Variants in FHIP1B observed in about 807,000 individuals in gnomAD.
The protein encoded by FHIP1B is FHF complex subunit HOOK-interacting protein 1B.
A neutral mutation model predicts 82.2 loss-of-function variants in FHIP1B; 28 were observed. That is an observed-to-expected ratio of 0.34 (90% CI 0.25 to 0.47). The LOEUF is 0.47. FHIP1B is among the 20% of genes least tolerant of loss of function. The probability of loss-of-function intolerance (pLI) is 1.00; values close to 1 mark genes in which losing one functional copy is unlikely to be tolerated. For missense variants in FHIP1B, 1,110 were observed against 1,262.6 expected (o/e 0.88, Z 1.83); for synonymous variants, 585 against 516.1 (o/e 1.13, Z -1.81).
At chr11:6,224,284 A>G in intron 2 of FHIP1B, 36 bp from the exon 3 acceptor site, 2 of 1,613,604 alleles carry the variant, frequency 1.2e-6, no homozygotes, top group Non-Finnish European at 1.7e-6. Flanking sequence ...AGGAATCTAA[A>G]TTGATAAGGT....
At chr11:6,225,625 A>G (rs994975437) in intron 1 of FHIP1B, among the ~76,000 whole-genome samples, 2 of 152,226 alleles carry the variant, frequency 1.3e-5, no homozygotes. Flanking sequence ...TTAATGCTGA[A>G]GCAAATAAGT....
Position 6,219,042 on chromosome 11 carries a change from C to G in FHIP1B, c.1200G>C (p.Met400Ile). ...ARIGSNSRLC[M>I]VSLSLFRTLL... is the part of the protein sequence containing the mutation. The stretch of plus-strand genomic sequence containing the variant: ...GGGTCCTGAAGAGACTCAGAGAGAC[C>G]ATGCAGAGCTGGGGGGGTGGAGGGG... The change falls in exon 7 of 12, where the codon ATG (methionine) becomes ATC (isoleucine). Residue 400 changes from methionine (M) to isoleucine (I), a missense_variant. Physicochemically the swap from Met to Ile is conservative, Grantham distance 10. This residue lies in a region of FHIP1B where 467 missense variants were observed against 602.9 expected (regional missense o/e 0.77). Transcript: ENST00000449352. 1 of 1,610,346 alleles carries G rather than the reference C, an allele frequency of 6.2e-7. No homozygotes were observed. Among genetic ancestry groups the G allele is most frequent in the Non-Finnish European group, 8.5e-7 (1 of 1,177,092 alleles).
Position 6,222,929 on chromosome 11 carries a change from T to G in FHIP1B, c.937-32A>C, listed in dbSNP as rs1230841883. Reference sequence around the variant, plus strand: ...GAGTGCCAGAGAGAAGGGGGAGGGTTATGAGGAGACCACTGCCTGGAAGGG... The same window carrying G: ...GAGTGCCAGAGAGAAGGGGGAGGGTGATGAGGAGACCACTGCCTGGAAGGG... On this transcript the variant is annotated intron_variant, in intron 4 of 11. Coordinates refer to ENST00000449352, the MANE Select transcript of FHIP1B (RefSeq NM_001098794.2). 2.5e-6 allele frequency: 4 copies of G among 1,606,822 alleles called. No individual in the cohort carries two copies. In the African/African-American group the frequency reaches 4.0e-5, roughly 16 times the overall value.
chr11:6,223,294 T>G lies in FHIP1B; in HGVS notation c.778-56A>C. On this transcript the variant is annotated intron_variant, in intron 3 of 11. Coordinates refer to ENST00000449352, the MANE Select transcript of FHIP1B (RefSeq NM_001098794.2). This position sits in a 1 kb window ranked among gnomAD's most constrained non-coding sequence, Gnocchi z 4.8. ...AAATACATTTATAAAATATAAAAAC[T>G]GGAACAGGGGAGCTAGTAATCCAGA... 2.6e-6 allele frequency: 4 copies of G among 1,525,772 alleles called. No homozygotes were observed. The highest frequency in any genetic ancestry group is 1.2e-5 in the South Asian group (1 of 80,516). 94.5% of individuals were successfully genotyped at this position (1,525,772 alleles called of 1,614,324 possible). A position where few individuals can be genotyped will look rare whatever the true frequency, so the allele number is the denominator to read the frequency against.
In FHIP1B at chr11:6,224,614, G is replaced by T; in HGVS notation, c.-98C>A. 1 of 1,323,840 alleles carries T rather than the reference G, an allele frequency of 7.6e-7. No individual in the cohort carries two copies. The highest frequency in any genetic ancestry group is 1.0e-6 in the Non-Finnish European group (1 of 978,040). 82.0% of individuals were successfully genotyped at this position (1,323,840 alleles called of 1,614,324 possible). ...TTGTGTCTCCAGTCTGCTTCATCCGGTCTGTAGGAGCCAGTAGCTGCCCAT... is the reference window on the plus strand; with the variant it reads ...TTGTGTCTCCAGTCTGCTTCATCCGTTCTGTAGGAGCCAGTAGCTGCCCAT... On this transcript the variant is annotated 5_prime_UTR_variant, in exon 2 of 12. Coordinates refer to ENST00000449352, the MANE Select transcript of FHIP1B (RefSeq NM_001098794.2).
Position 6,217,423 on chromosome 11 carries a change from G to A in FHIP1B, c.2163C>T (p.Phe721=). ...FTCPPEPPGP[F]LSSPLRTLNQ... Reference sequence around the variant, plus strand: ...TGAGAGTCCGCAAAGGGCTGCTGAGGAAGGGGCCAGGGGGCTCAGGGGGAC... The same window carrying A: ...TGAGAGTCCGCAAAGGGCTGCTGAGAAAGGGGCCAGGGGGCTCAGGGGGAC... Residue 721 remains phenylalanine (F), a synonymous_variant, in exon 9 of 12, where the codon TTC becomes TTT. Transcript: ENST00000449352. 1 of 1,614,128 alleles carries A rather than the reference G, an allele frequency of 6.2e-7. No individual in the cohort carries two copies. The highest frequency in any genetic ancestry group is 1.7e-5 in the Admixed American group (1 of 60,020).
At chr11:6,216,680 G>C (rs1346139394) in intron 9 of FHIP1B, 1 of 196,076 alleles carries the variant, frequency 5.1e-6, no homozygotes, top group Admixed American at 5.3e-5. Flanking sequence ...GCATCCTTGA[G>C]AGTCCAAATG....
intron 1 of FHIP1B, among the ~76,000 whole-genome samples, chr11:6,225,681 T>TTGATC (rs1847545656): frequency 1.3e-5 from 2 of 152,206 alleles, no homozygotes; most frequent in South Asian, 4.1e-4. Flanking sequence ...AAATCCAGCC[T>TTGATC]TGATCTGACT....
rs562285223 is a variant in FHIP1B, at chr11:6,217,802, C to T, written c.1784G>A (p.Arg595His). ...CCTGTCCTCCTCAGGCAGTAGGCTG[C>T]GTTTCTTAGTCCGGGAGCCAAAAGG... is the stretch of plus-strand genomic sequence containing the variant. ...PSPFGSRTKK[R>H]SLLPEEDRNN... The change falls in exon 9 of 12, where the codon CGC becomes CAC. Residue 595 changes from arginine to histidine, a missense_variant. Coordinates refer to ENST00000449352, the MANE Select transcript of FHIP1B (RefSeq NM_001098794.2). 1.2e-5 allele frequency: 20 copies of T among 1,610,152 alleles called. No homozygotes were observed. Among genetic ancestry groups the T allele is most frequent in the East Asian group, 2.2e-5 (1 of 44,654 alleles).
intron 6 of FHIP1B, among the ~76,000 whole-genome samples, chr11:6,221,983 G>A (rs1019211101): frequency 2.6e-5 from 4 of 152,182 alleles, no homozygotes; most frequent in East Asian, 1.9e-4. Context: ...GTGGGTGGAT[G>A]AGTGCTCCAA....
intron 1 of FHIP1B, 115 bp from the exon 2 acceptor site, chr11:6,224,822 A>T (rs1208089006): frequency 1.1e-5 from 3 of 264,548 alleles, no homozygotes; most frequent in Non-Finnish European, 2.2e-5. Flanking sequence ...ACATACACAC[A>T]ATCAGCAACT....
At chr11:6,214,318 G>T in intron 11 of FHIP1B, 93 bp downstream of exon 11, 1 of 1,416,126 alleles carries the variant, frequency 7.1e-7, no homozygotes, top group Non-Finnish European at 9.6e-7. Context: ...CTAGGTCCTG[G>T]CACAACATTT....
intron 9 of FHIP1B, 46 bp from the exon 10 acceptor site, chr11:6,214,957 A>G: frequency 1.4e-6 from 2 of 1,480,748 alleles, no homozygotes; most frequent in Non-Finnish European, 1.8e-6. Context: ...GCCTGAACAC[A>G]ATGCACATCG....
rs1195837578 is a variant in FHIP1B at position 6,211,900 on chromosome 11, G to A, written c.2558-33C>T. The A allele has an allele frequency of 4.0e-6, 6 of 1,516,620 alleles. No homozygotes were observed. In the Admixed American group the frequency reaches 1.1e-4, roughly 28 times the overall value. 93.9% of individuals were successfully genotyped at this position (1,516,620 alleles called of 1,614,324 possible). On this transcript the variant is annotated intron_variant, in intron 11 of 11. Transcript: ENST00000449352. ...TAAACAGGGGTATCATGAAGGTGCT[G>A]GGATCAGGGAACCTCCCTTGGACTG...
rs1369895187 is a variant in FHIP1B, at chr11:6,214,508, C to G, written c.2460G>C (p.Leu820=). ...FAASQEDFPA[L]LSKAKKYLIA... is the part of the protein sequence containing the mutation. ...TGAGGTACTTCTTGGCTTTGGACAG[C>G]AGTGCTGGGAAGTCCTCCTGGGAAG... is the stretch of plus-strand genomic sequence containing the variant. The change falls in exon 11 of 12, where the codon CTG becomes CTC. Residue 820 remains leucine, a synonymous_variant. Coordinates refer to ENST00000449352, the MANE Select transcript of FHIP1B (RefSeq NM_001098794.2). The G allele has an allele frequency of 1.9e-6, 3 of 1,614,068 alleles. No individual in the cohort carries two copies. Among genetic ancestry groups the G allele is most frequent in the African/African-American group, 2.7e-5 (2 of 74,936 alleles).
At chr11:6,218,833 G>C in intron 7 of FHIP1B, 70 bp from the exon 8 acceptor site, 1 of 1,586,518 alleles carries the variant, frequency 6.3e-7, no homozygotes, top group Non-Finnish European at 8.7e-7. Flanking sequence ...AGGAACATCA[G>C]GCCAATGAAA....
chr11:6,229,875 T>C (rs1193109856), intron 1 of FHIP1B, among the ~76,000 whole-genome samples: 5 of 151,722 alleles, frequency 3.3e-5, no homozygotes, highest in African/African-American at 7.3e-5. Context: ...AGTTTGGTAT[T>C]CCTATCACCT....
intron 10 of FHIP1B, 23 bp downstream of exon 10, chr11:6,214,710 C>T (rs1847175208): frequency 6.4e-7 from 1 of 1,554,676 alleles, no homozygotes; most frequent in Admixed American, 1.9e-5. Context: ...CTGGACGCAC[C>T]CATGCATGCA....
intron 1 of FHIP1B, among the ~76,000 whole-genome samples, chr11:6,230,584 C>T (rs947354809): frequency 6.6e-6 from 1 of 152,202 alleles, no homozygotes; most frequent in Admixed American, 6.5e-5. Context: ...CTTCCCTCCC[C>T]GCAATATCAC....
Sources: allele counts gnomAD v4.1 joint callset (sites outside exome capture counted in the v4.1 genomes callset), GRCh38; gene constraint gnomAD v4.1.1; regional missense constraint gnomAD v4.1.1; non-coding constraint Gnocchi (gnomAD v3.1); transcripts MANE v1.5; gene names NCBI Gene and HGNC (gene_info 2026-07-23, HGNC 2026-07-21).